Variants in STK3 observed in about 807,000 individuals in gnomAD.
STK3 encodes serine/threonine-protein kinase 3.
A neutral mutation model predicts 58.0 loss-of-function variants in STK3; 41 were observed. The observed-to-expected ratio is 0.71, with a 90% CI of 0.55 to 0.92. The LOEUF (loss-of-function observed/expected upper bound fraction) is 0.92, where lower values mean the gene tolerates loss of function less well. STK3 is among the 40% of genes least tolerant of loss of function. The pLI is 0.00. For synonymous variants in STK3, 170 were observed against 191.0 expected, an observed-to-expected ratio of 0.89 and a Z score of 0.91; for missense variants, 479 against 602.7, an observed-to-expected ratio of 0.79 and a Z score of 2.15.
chr8:98,808,366 G>A (rs1294422743), intron 1 of STK3, among the ~76,000 whole-genome samples: 1 of 152,180 alleles, frequency 6.6e-6, no homozygotes, highest in African/African-American at 2.4e-5. Context: ...CAGAAAAAAT[G>A]AAGGGACTAT....
At chr8:98,367,414 G>T (rs1040017557), downstream of STK3, among the ~76,000 whole-genome samples, 6 of 152,146 alleles carry the variant, frequency 3.9e-5, no homozygotes, top group Admixed American at 3.9e-4. Flanking sequence ...CTGGTTAGAG[G>T]CTCCCAAGAG....
chr8:98,821,140 T>C (rs1834870523), intron 1 of STK3, among the ~76,000 whole-genome samples: 2 of 152,024 alleles, frequency 1.3e-5, no homozygotes, highest in Non-Finnish European at 2.9e-5. Flanking sequence ...CAGCAGGAGG[T>C]GAGCTATACG....
chr8:98,795,276 C>T (rs1833078692), intron 1 of STK3, among the ~76,000 whole-genome samples: 1 of 146,674 alleles, frequency 6.8e-6, no homozygotes, highest in Non-Finnish European at 1.5e-5. Context: ...AAATAAAAGT[C>T]ATATGACCAT....
chr8:98,659,661 T>G (rs558060926), intron 6 of STK3, among the ~76,000 whole-genome samples: 1 of 152,124 alleles, frequency 6.6e-6, no homozygotes, highest in African/African-American at 2.4e-5. Context: ...GCTACATTGT[T>G]GATAATTATT....
chr8:98,530,224 G>A (rs1247172990), intron 9 of STK3, among the ~76,000 whole-genome samples: 1 of 152,098 alleles, frequency 6.6e-6, no homozygotes, highest in Non-Finnish European at 1.5e-5. Flanking sequence ...GTAAACTTGT[G>A]TCATGGGGGT....
At chr8:98,809,624 A>G (rs544532623) in intron 1 of STK3, among the ~76,000 whole-genome samples, 1 of 152,272 alleles carries the variant, frequency 6.6e-6, no homozygotes, top group Non-Finnish European at 1.5e-5. Flanking sequence ...CAGTTAGCAT[A>G]ATGTTTTCAA....
chr8:98,812,969 G>A (rs1366945849), intron 1 of STK3, among the ~76,000 whole-genome samples: 3 of 151,652 alleles, frequency 2.0e-5, no homozygotes, highest in Non-Finnish European at 4.4e-5. Context: ...ATACCAACAT[G>A]GCACATGTAT....
chr8:98,806,508 C>T (rs1047342634), intron 1 of STK3, among the ~76,000 whole-genome samples: 2 of 152,134 alleles, frequency 1.3e-5, no homozygotes, highest in African/African-American at 4.8e-5. Flanking sequence ...TCTTAGATTT[C>T]AGCAAAGTAT....
intron 6 of STK3, among the ~76,000 whole-genome samples, chr8:98,667,653 ACT>A (rs1822468695): frequency 6.6e-6 from 1 of 152,102 alleles, no homozygotes; most frequent in African/African-American, 2.4e-5. Flanking sequence ...GCAAGTATAG[ACT>A]CTGATAGTCT....
At chr8:98,721,922 T>C (rs1235620904) in intron 4 of STK3, among the ~76,000 whole-genome samples, 2 of 152,124 alleles carry the variant, frequency 1.3e-5, no homozygotes, top group Non-Finnish European at 2.9e-5. Flanking sequence ...CTACTCTAGA[T>C]TTAATTTTTT....
At chr8:98,470,476 C>T (rs1395376022) in intron 10 of STK3, among the ~76,000 whole-genome samples, 3 of 152,176 alleles carry the variant, frequency 2.0e-5, no homozygotes, top group African/African-American at 7.2e-5. Flanking sequence ...TCATCTCACC[C>T]GTACTCAGTA....
intron 3 of STK3, among the ~76,000 whole-genome samples, chr8:98,838,136 G>A (rs996939900): frequency 1.3e-5 from 2 of 149,648 alleles, no homozygotes; most frequent in African/African-American, 2.5e-5. Context: ...CGAGCTACTC[G>A]AGAGACTGAG....
At chr8:98,657,379 A>G (rs1387364000) in intron 6 of STK3, among the ~76,000 whole-genome samples, 1 of 152,118 alleles carries the variant, frequency 6.6e-6, no homozygotes, top group Non-Finnish European at 1.5e-5. Context: ...AAGTAGTAGA[A>G]CCAAGCTGTC....
intron 6 of STK3, among the ~76,000 whole-genome samples, chr8:98,695,650 T>C (rs1219145944): frequency 6.6e-6 from 1 of 152,208 alleles, no homozygotes; most frequent in Non-Finnish European, 1.5e-5. Flanking sequence ...AAAGATCAGA[T>C]AGTTGTAGAT....
At chr8:98,840,587 A>ATG (rs1835937146) in intron 3 of STK3, among the ~76,000 whole-genome samples, 1 of 34,404 alleles carries the variant, frequency 2.9e-5, no homozygotes, top group Non-Finnish European at 5.7e-5. Context: ...AAAAATGTAT[A>ATG]TATATATATA....
chr8:98,680,136 C>T (rs1338515738), intron 6 of STK3, among the ~76,000 whole-genome samples: 2 of 152,130 alleles, frequency 1.3e-5, no homozygotes, highest in Non-Finnish European at 2.9e-5. Flanking sequence ...TATCATACTA[C>T]TATGCACCTG....
the STK3 span, among the ~76,000 whole-genome samples, chr8:98,364,975 T>C: frequency 7.2e-6 from 1 of 139,278 alleles, no homozygotes; most frequent in Non-Finnish European, 1.6e-5. Context: ...ACCACAATTT[T>C]ACACTGTTTT....
At chr8:98,479,488 G>GC (rs1491014811) in intron 10 of STK3, among the ~76,000 whole-genome samples, 1 of 10,926 alleles carries the variant, frequency 9.2e-5, no homozygotes, top group African/African-American at 2.4e-4. Flanking sequence ...CTCCGTCTCG[G>GC]GGGGGGGGGG....
chr8:98,847,562 C>A (rs1418066224), intron 3 of STK3, among the ~76,000 whole-genome samples: 5 of 152,162 alleles, frequency 3.3e-5, no homozygotes, highest in African/African-American at 1.2e-4. Context: ...ATCCAGTAGT[C>A]TTTCTCAGAC....
Sources: allele counts gnomAD v4.1 joint callset (sites outside exome capture counted in the v4.1 genomes callset), GRCh38; gene constraint gnomAD v4.1.1; transcripts MANE v1.5; gene names NCBI Gene and HGNC (gene_info 2026-07-23, HGNC 2026-07-21).